IL1RAPL1: variants seen among roughly 807,000 people sequenced by gnomAD.
IL1RAPL1 encodes the protein interleukin-1 receptor accessory protein-like 1.
A neutral mutation model predicts 48.4 loss-of-function variants in IL1RAPL1; 3 were observed. The ratio of observed to expected loss-of-function variants is 0.06; its 90% CI spans 0.03 to 0.16. The LOEUF (loss-of-function observed/expected upper bound fraction) is 0.16. Ranked by LOEUF, IL1RAPL1 falls within the 10% of genes least tolerant of loss-of-function variation. IL1RAPL1 has a pLI of 1.00. For missense variants in IL1RAPL1, 349 were observed against 530.6 expected (o/e 0.66, Z 3.36); for synonymous variants, 185 against 187.7 (o/e 0.99, Z 0.12).
chrX:29,943,581 G>GTTGT (rs1601894499), intron 9 of IL1RAPL1, among the ~76,000 whole-genome samples: 1 of 111,692 alleles, frequency 9.0e-6, no homozygotes, highest in African/African-American at 3.3e-5. Context: ...AAGATCTACT[G>GTTGT]TTGTTTGCAC....
chrX:28,808,784 C>T (rs1936759605), intron 2 of IL1RAPL1, among the ~76,000 whole-genome samples: 2 of 110,526 alleles, frequency 1.8e-5, no homozygotes, highest in Non-Finnish European at 3.8e-5. Context: ...TTACTCTTTG[C>T]AATTATTATT....
chrX:28,876,775 A>G (rs1272838447), intron 2 of IL1RAPL1, among the ~76,000 whole-genome samples: 2 of 111,373 alleles, frequency 1.8e-5, no homozygotes, highest in African/African-American at 6.5e-5. Context: ...AACTAACAAC[A>G]TAAAAGCCAG....
chrX:29,737,035 A>G (rs1338028751), intron 6 of IL1RAPL1, among the ~76,000 whole-genome samples: 1 of 111,828 alleles, frequency 8.9e-6, no homozygotes, highest in Non-Finnish European at 1.9e-5. Context: ...GTGTGATCAA[A>G]TCGGACACAT....
chrX:28,944,562 A>C (rs1310603303), intron 2 of IL1RAPL1, among the ~76,000 whole-genome samples: 1 of 111,202 alleles, frequency 9.0e-6, no homozygotes, highest in Admixed American at 9.6e-5. Context: ...ATTTAAAATT[A>C]TTGATAATTT....
At chrX:29,256,807 G>C (rs1931765269) in intron 2 of IL1RAPL1, among the ~76,000 whole-genome samples, 1 of 111,326 alleles carries the variant, frequency 9.0e-6, no homozygotes, top group African/African-American at 3.3e-5. Flanking sequence ...TATTTTCTTG[G>C]CTTACCTCAT....
chrX:28,693,436 C>G lies in IL1RAPL1; in HGVS notation c.-24-95884C>G, dbSNP rs755699406. On this transcript the variant is annotated intron_variant, in intron 1 of 10. Transcript: ENST00000378993. ...GCATATGCCTTTAATGATGTGTTATCGTTCAAGCCATCTGCAGATGTACTG... is the reference window on the plus strand; with the variant it reads ...GCATATGCCTTTAATGATGTGTTATGGTTCAAGCCATCTGCAGATGTACTG... Among the ~76,000 whole-genome samples the G allele has an allele frequency of 4.5e-5, 5 of 112,355 alleles. No homozygotes were observed. The East Asian group carries it at 1.4e-3, about 32-fold the overall frequency.
At chrX:29,201,283 T>A (rs1930549815) in intron 2 of IL1RAPL1, among the ~76,000 whole-genome samples, 1 of 112,011 alleles carries the variant, frequency 8.9e-6, no homozygotes, top group Non-Finnish European at 1.9e-5. Flanking sequence ...CATTTATATT[T>A]ATTATTTTAT....
intron 6 of IL1RAPL1, among the ~76,000 whole-genome samples, chrX:29,730,826 C>T (rs1927897710): frequency 9.0e-6 from 1 of 111,346 alleles, no homozygotes; most frequent in Non-Finnish European, 1.9e-5. Flanking sequence ...TAGGTAAATC[C>T]ATCTTCCCAC....
intron 2 of IL1RAPL1, among the ~76,000 whole-genome samples, chrX:29,049,560 A>G (rs1927048305): frequency 9.0e-6 from 1 of 111,533 alleles, no homozygotes; most frequent in Admixed American, 9.5e-5. Flanking sequence ...CTGCAATTGC[A>G]GAAAACAAAC....
At chrX:29,453,419 CACAT>C (rs1412712201) in intron 5 of IL1RAPL1, among the ~76,000 whole-genome samples, 2 of 111,548 alleles carry the variant, frequency 1.8e-5, no homozygotes, top group Admixed American at 1.9e-4. Flanking sequence ...GATTCCAAGA[CACAT>C]ACATAATCGG....
At chrX:29,804,433 A>C (rs1212046019) in intron 6 of IL1RAPL1, among the ~76,000 whole-genome samples, 1 of 111,690 alleles carries the variant, frequency 9.0e-6, no homozygotes, top group Non-Finnish European at 1.9e-5. Context: ...AATAATCCTC[A>C]CCTGTCAAGG....
chrX:29,087,134 AT>A (rs34132994), intron 2 of IL1RAPL1, among the ~76,000 whole-genome samples: 13,200 of 84,379 alleles, frequency 0.16, 880 homozygotes, highest in African/African-American at 0.28. Flanking sequence ...TTATTTAAAA[AT>A]TTTTTTTTTT....
intron 2 of IL1RAPL1, among the ~76,000 whole-genome samples, chrX:29,054,440 C>T (rs776370925): frequency 7.2e-5 from 8 of 111,047 alleles, no homozygotes; most frequent in African/African-American, 2.0e-4. Flanking sequence ...GTCTGCATAT[C>T]GCTTACCACC....
At chrX:29,293,924 A>C (rs929126280) in intron 3 of IL1RAPL1, among the ~76,000 whole-genome samples, 7 of 111,581 alleles carry the variant, frequency 6.3e-5, no homozygotes, top group African/African-American at 2.3e-4. Context: ...GCTGATCAGC[A>C]AAATTTGGGA....
chrX:29,107,845 A>G (rs150767739), intron 2 of IL1RAPL1, among the ~76,000 whole-genome samples: 15 of 112,496 alleles, frequency 1.3e-4, no homozygotes, highest in African/African-American at 4.8e-4. Context: ...GAGAGAGCAC[A>G]TATCCATCAG....
intron 2 of IL1RAPL1, among the ~76,000 whole-genome samples, chrX:29,161,076 G>T (rs1350331229): frequency 9.1e-6 from 1 of 110,354 alleles, no homozygotes; most frequent in Non-Finnish European, 1.9e-5. Context: ...AAAAAAAAGT[G>T]TGATAACTGT....
intron 5 of IL1RAPL1, among the ~76,000 whole-genome samples, chrX:29,480,338 AT>A (rs1271945693): frequency 1.0e-5 from 1 of 99,250 alleles, no homozygotes; most frequent in South Asian, 4.8e-4. Context: ...GAATGGATCT[AT>A]TTATGTACAA....
intron 1 of IL1RAPL1, among the ~76,000 whole-genome samples, chrX:28,657,014 G>A (rs984226357): frequency 1.3e-4 from 12 of 94,454 alleles, no homozygotes; most frequent in African/African-American, 4.1e-4. Flanking sequence ...GCAACAGATC[G>A]AGACTCTACC....
chrX:28,663,766 T>C (rs934497665), intron 1 of IL1RAPL1, among the ~76,000 whole-genome samples: 6 of 112,172 alleles, frequency 5.3e-5, no homozygotes, highest in African/African-American at 1.9e-4. Flanking sequence ...TTTGTGTCAT[T>C]TGAAGCTACA....
Sources: gnomAD v4.1 joint callset for allele counts (sites outside exome capture counted in the v4.1 genomes callset) on GRCh38, gnomAD v4.1.1 for gene constraint, MANE v1.5 for transcripts, NCBI Gene and HGNC (gene_info 2026-07-23, HGNC 2026-07-21) for gene names.